Variants in CD3E observed in about 807,000 individuals in gnomAD.
CD3E encodes CD3 epsilon subunit of T-cell receptor complex.
CD3E carries 16 observed loss-of-function variants against 34.7 expected under a neutral mutation model. The ratio of observed to expected loss-of-function variants is 0.46; its 90% CI spans 0.31 to 0.70. The LOEUF is 0.70. CD3E is among the 30% of genes least tolerant of loss of function. The pLI, the probability that CD3E is intolerant of heterozygous loss-of-function variation, is 0.05. For missense variants in CD3E, 223 were observed against 253.9 expected (o/e 0.88, Z 0.83); for synonymous variants, 70 against 90.8 (o/e 0.77, Z 1.30).
chr11:118,309,979 T>C (rs754054044), intron 4 of CD3E, among the ~76,000 whole-genome samples: 9 of 152,200 alleles, frequency 5.9e-5, no homozygotes, highest in Non-Finnish European at 8.8e-5. Context: ...AAAGACCCTG[T>C]CTCTGAAAAA....
intron 4 of CD3E, among the ~76,000 whole-genome samples, chr11:118,309,768 T>C (rs138246272): frequency 9.1e-4 from 139 of 152,298 alleles, no homozygotes; most frequent in East Asian, 4.6e-3. Flanking sequence ...AAACAAAGCC[T>C]CAAATAAATA....
intron 7 of CD3E, 64 bp from the exon 8 acceptor site, chr11:118,314,384 A>T: frequency 7.1e-7 from 1 of 1,415,708 alleles, no homozygotes. Flanking sequence ...TCTCACTGGC[A>T]CAGACAGTGC....
At chr11:118,310,866 A>T (rs888042383) in intron 4 of CD3E, among the ~76,000 whole-genome samples, 6 of 152,216 alleles carry the variant, frequency 3.9e-5, no homozygotes, top group Non-Finnish European at 5.9e-5. Flanking sequence ...AATTATAAGC[A>T]GGTGGAAAAA....
At chr11:118,312,374 C>A in intron 5 of CD3E, 1 of 718,688 alleles carries the variant, frequency 1.4e-6, no homozygotes, top group South Asian at 1.7e-5. Context: ...GTCCCCATGT[C>A]CCTGCGTAAA....
chr11:118,313,939 T>G, intron 7 of CD3E, 65 bp downstream of exon 7: 2 of 1,567,868 alleles, frequency 1.3e-6, no homozygotes, highest in African/African-American at 1.3e-5. Flanking sequence ...TGGGCCAGGG[T>G]GGGTGGCAAG....
At position 118,312,827 on chromosome 11, in the gene CD3E, C is replaced by A. The variant is rs1258864566; in HGVS notation, c.313C>A (p.Pro105Thr). Residue 105 changes from proline (P) to threonine (T), a missense_variant, in exon 6 of 9, where the codon CCA (proline) becomes ACA (threonine). Pro to Thr is a conservative substitution (Grantham distance 38). Coordinates refer to ENST00000361763, the MANE Select transcript of CD3E (RefSeq NM_000733.4). ...YYVCYPRGSK[P>T]EDANFYLYLR... is the part of the protein sequence containing the mutation. ...TGTCTGCTACCCCAGAGGAAGCAAA[C>A]CAGAAGATGCGAACTTTTATCTCTA... 1 of 1,614,124 alleles carries A rather than the reference C, an allele frequency of 6.2e-7. No homozygotes were observed. Among genetic ancestry groups the A allele is most frequent in the Non-Finnish European group, 8.5e-7 (1 of 1,180,030 alleles).
intron 4 of CD3E, among the ~76,000 whole-genome samples, chr11:118,308,676 C>T (rs1442878803): frequency 2.0e-5 from 3 of 152,192 alleles, no homozygotes; most frequent in Non-Finnish European, 2.9e-5. Flanking sequence ...GTTGGAGCTA[C>T]CATGTGTTTT....
chr11:118,312,536 T>G, intron 5 of CD3E, 82 bp from the exon 6 acceptor site: 8 of 1,497,900 alleles, frequency 5.3e-6, no homozygotes, highest in South Asian at 1.1e-5. Flanking sequence ...ACTTCCTGCA[T>G]TTGGGTGGTT....
At chr11:118,315,052 T>G (rs904344682) in intron 8 of CD3E, among the ~76,000 whole-genome samples, 1 of 151,056 alleles carries the variant, frequency 6.6e-6, no homozygotes, top group Non-Finnish European at 1.5e-5. Flanking sequence ...TGAGTTGGGG[T>G]AACAAAGAGT....
At chr11:118,314,392 T>C in intron 7 of CD3E, 56 bp from the exon 8 acceptor site, 1 of 1,472,000 alleles carries the variant, frequency 6.8e-7, no homozygotes, top group Non-Finnish European at 9.5e-7. Context: ...GCACAGACAG[T>C]GCTGCAAGAT....
chr11:118,313,819 A>AAAGGCC lies in CD3E; in HGVS notation c.475_480dup (p.Ala159_Lys160dup). ...TGGTTTACTACTGGAGCAAGAATAGAAAGGCCAAGGCCAAGCCTGTGACAC... is the reference window on the plus strand; with the variant it reads ...TGGTTTACTACTGGAGCAAGAATAGAAAGGCCAAGGCCAAGGCCAAGCCTGTGACAC... On this transcript the variant is annotated inframe_insertion, in exon 7 of 9. Coordinates refer to ENST00000361763, the MANE Select transcript of CD3E (RefSeq NM_000733.4). 1 of 1,614,126 alleles carries AAAGGCC rather than the reference A, an allele frequency of 6.2e-7. No individual in the cohort carries two copies. Among genetic ancestry groups the AAAGGCC allele is most frequent in the Non-Finnish European group, 8.5e-7 (1 of 1,180,038 alleles).
chr11:118,308,594 T>C (rs1202326396), intron 4 of CD3E, among the ~76,000 whole-genome samples, 153 bp downstream of exon 4: 1 of 152,186 alleles, frequency 6.6e-6, no homozygotes, highest in African/African-American at 2.4e-5. Context: ...CTTGCCTGTA[T>C]TTGTTGCTAG....
chr11:118,313,053 C>T, intron 6 of CD3E, 187 bp downstream of exon 6: 1 of 703,308 alleles, frequency 1.4e-6, no homozygotes, highest in Non-Finnish European at 2.5e-6. Flanking sequence ...GATTAAACAC[C>T]AATATGAGGC....
intron 4 of CD3E, among the ~76,000 whole-genome samples, chr11:118,309,626 C>T (rs1948125542): frequency 6.6e-6 from 1 of 152,164 alleles, no homozygotes; most frequent in Non-Finnish European, 1.5e-5. Flanking sequence ...GCTATTAATA[C>T]ATGGAAAGCA....
intron 4 of CD3E, among the ~76,000 whole-genome samples, chr11:118,310,172 T>C (rs146525935): frequency 0.036 from 5,536 of 152,332 alleles, 142 homozygotes; most frequent in African/African-American, 0.065. Context: ...AGGTTTGTTA[T>C]ATAGGTAAAC....
In CD3E at chr11:118,304,982, G is replaced by T; in HGVS notation, c.30G>T (p.Leu10=). The T allele has an allele frequency of 6.2e-7, 1 of 1,613,922 alleles. No homozygotes were observed. The highest frequency in any genetic ancestry group is 8.5e-7 in the Non-Finnish European group (1 of 1,179,844). Residue 10 remains leucine, a synonymous_variant, in exon 2 of 9, where the codon CTG becomes CTT. Transcript: ENST00000361763. ...AGTCGGGCACTCACTGGAGAGTTCT[G>T]GGCCTCTGCCTCTTATCAGGTGAGT... is the stretch of plus-strand genomic sequence containing the variant. MQSGTHWRV[L]GLCLLSVGVW...
chr11:118,312,848 C>A lies in CD3E; in HGVS notation c.334C>A (p.Leu112Ile), dbSNP rs201466593. The change falls in exon 6 of 9, where the codon CTC becomes ATC. Residue 112 changes from leucine (L) to isoleucine (I), a missense_variant. By Grantham distance (5) the Leu-to-Ile change is conservative. Coordinates refer to ENST00000361763, the MANE Select transcript of CD3E (RefSeq NM_000733.4). ...CAAACCAGAAGATGCGAACTTTTAT[C>A]TCTACCTGAGGGCAAGAGGTAATCC... ...GSKPEDANFY[L>I]YLRARVCENC... 3.7e-6 allele frequency: 6 copies of A among 1,614,182 alleles called. No homozygotes were observed. The East Asian group carries it at 1.3e-4, about 36-fold the overall frequency.
At chr11:118,305,111 G>A (rs1948098646) in intron 2 of CD3E, 110 bp downstream of exon 2, 16 of 1,004,064 alleles carry the variant, frequency 1.6e-5, no homozygotes, top group Non-Finnish European at 2.4e-5. Flanking sequence ...CCAGATGTAA[G>A]GAACTGTTTG....
chr11:118,305,644 G>GA (rs746977485), intron 2 of CD3E, among the ~76,000 whole-genome samples: 15 of 152,190 alleles, frequency 9.9e-5, no homozygotes, highest in Non-Finnish European at 1.6e-4. Flanking sequence ...GCCTAGGAAG[G>GA]AAGGTGTTAT....
Sources: allele counts gnomAD v4.1 joint callset (sites outside exome capture counted in the v4.1 genomes callset), GRCh38; gene constraint gnomAD v4.1.1; transcripts MANE v1.5; gene names NCBI Gene and HGNC (gene_info 2026-07-23, HGNC 2026-07-21).